Variants in FOXI2 observed in about 807,000 individuals in gnomAD.
The protein encoded by FOXI2 is forkhead box I2.
FOXI2 carries 17 observed loss-of-function variants against 14.3 expected under a neutral mutation model. The observed-to-expected ratio is 1.19, with a 90% CI of 0.81 to 1.78. FOXI2 has a LOEUF of 1.78. Ranked by LOEUF, FOXI2 falls within the 40% of genes most tolerant of loss-of-function variation. FOXI2 has a pLI of 0.00. For synonymous variants in FOXI2, 240 were observed against 218.8 expected, an observed-to-expected ratio of 1.10 and a Z score of -0.85; for missense variants, 541 against 460.0, an observed-to-expected ratio of 1.18 and a Z score of -1.61.
chr10:127,737,511 G>C lies in FOXI2; in HGVS notation c.238G>C (p.Gly80Arg). The change falls in exon 1 of 2, where the codon GGC becomes CGC. Residue 80 changes from glycine to arginine, a missense_variant. By Grantham distance (125) the Gly-to-Arg change is moderately radical. Coordinates refer to ENST00000388920, the MANE Select transcript of FOXI2 (RefSeq NM_207426.3). ...APGPLLGAPG[G>R]LAGADLAWLS... ...CGGCCCGCTCCTCGGCGCCCCGGGC[G>C]GCCTGGCGGGCGCCGACCTCGCCTG... is the stretch of plus-strand genomic sequence containing the variant. 1 of 1,410,454 alleles carries C rather than the reference G, an allele frequency of 7.1e-7. No individual in the cohort carries two copies. Among genetic ancestry groups the C allele is most frequent in the Non-Finnish European group, 9.2e-7 (1 of 1,092,138 alleles). The allele number at this position is 1,410,454 out of a possible 1,614,324, so 87.4% of individuals were successfully genotyped here. A position where few individuals can be genotyped will look rare whatever the true frequency, so the allele number is the denominator to read the frequency against.
Position 127,738,945 on chromosome 10 carries a change from C to A in FOXI2, c.937C>A (p.Arg313=). 1 of 1,600,770 alleles carries A rather than the reference C, an allele frequency of 6.2e-7. No individual in the cohort carries two copies. The highest frequency in any genetic ancestry group is 8.5e-7 in the Non-Finnish European group (1 of 1,179,506). Residue 313 remains arginine (R), a synonymous_variant, in exon 2 of 2, where the codon CGG becomes AGG. Coordinates refer to ENST00000388920, the MANE Select transcript of FOXI2 (RefSeq NM_207426.3). ...GFRLSHLLYS[R]EGTEV The stretch of plus-strand genomic sequence containing the variant: ...CCGCCTCAGTCACCTCCTCTACAGC[C>A]GGGAAGGGACCGAAGTTTGAAGGGA...
intron 1 of FOXI2, 122 bp downstream of exon 1, chr10:127,737,906 C>A (rs377507648): frequency 7.0e-7 from 1 of 1,436,162 alleles, no homozygotes; most frequent in Non-Finnish European, 9.3e-7. Flanking sequence ...TGGGGATACC[C>A]GGGGAGGAGG....
rs926580309 is a variant in FOXI2 at position 127,737,410 on chromosome 10, C to T, written c.137C>T (p.Pro46Leu). The change falls in exon 1 of 2, where the codon CCA (proline) becomes CTA (leucine). Residue 46 changes from proline to leucine, a missense_variant. Coordinates refer to ENST00000388920, the MANE Select transcript of FOXI2 (RefSeq NM_207426.3). ...GGGPLLWVNAPALSPKSYASG... is the reference protein window; with the variant it reads ...GGGPLLWVNALALSPKSYASG... ...GGCCCCCTCCTGTGGGTGAACGCGC[C>T]AGCGCTCAGCCCCAAGTCCTACGCT... 1 of 1,384,060 alleles carries T rather than the reference C, an allele frequency of 7.2e-7. No homozygotes were observed. Among genetic ancestry groups the T allele is most frequent in the Non-Finnish European group, 9.2e-7 (1 of 1,082,580 alleles). The allele number at this position is 1,384,060 out of a possible 1,614,324, so 85.7% of individuals were successfully genotyped here. A position where few individuals can be genotyped will look rare whatever the true frequency, so the allele number is the denominator to read the frequency against.
At position 127,739,923 on chromosome 10, in the gene FOXI2, ACACT is replaced by A. The variant is rs1367807339; in HGVS notation, c.*962_*965del. 11 of 51,180 alleles carry A rather than the reference ACACT, an allele frequency of 2.1e-4. 2 individuals carry two copies. The highest frequency in any genetic ancestry group is 6.1e-4 in the African/African-American group (9 of 14,700). 3.2% of individuals were successfully genotyped at this position (51,180 alleles called of 1,614,324 possible). A position where few individuals can be genotyped will look rare whatever the true frequency, so the allele number is the denominator to read the frequency against. On this transcript the variant is annotated 3_prime_UTR_variant, in exon 2 of 2. Coordinates refer to ENST00000388920, the MANE Select transcript of FOXI2 (RefSeq NM_207426.3). The stretch of plus-strand genomic sequence containing the variant: ...CTCACACACACTCACACCCACACCC[ACACT>A]CACACCCACACACACTCACACCCAC...
At position 127,737,478 on chromosome 10, in the gene FOXI2, G is replaced by C; in HGVS notation, c.205G>C (p.Gly69Arg). ...GCCGCCCTACGCGGCCCCGAGCTAC[G>C]GGGCTCCCGGCCCGCTCCTCGGCGC... ...PAPPYAAPSY[G>R]APGPLLGAPG... Residue 69 changes from glycine (G) to arginine (R), a missense_variant, in exon 1 of 2, where the codon GGG (glycine) becomes CGG (arginine). By Grantham distance (125) the Gly-to-Arg change is moderately radical. Coordinates refer to ENST00000388920, the MANE Select transcript of FOXI2 (RefSeq NM_207426.3). 5.8e-6 allele frequency: 8 copies of C among 1,385,486 alleles called. No individual in the cohort carries two copies. The highest frequency in any genetic ancestry group is 2.6e-4 in the Middle Eastern group (1 of 3,798). The allele number at this position is 1,385,486 out of a possible 1,614,324, so 85.8% of individuals were successfully genotyped here. A position where few individuals can be genotyped will look rare whatever the true frequency, so the allele number is the denominator to read the frequency against.
Position 127,740,031 on chromosome 10 carries a change from C to G in FOXI2, c.*1066C>G, listed in dbSNP as rs201332753. On this transcript the variant is annotated 3_prime_UTR_variant, in exon 2 of 2. Coordinates refer to ENST00000388920, the MANE Select transcript of FOXI2 (RefSeq NM_207426.3). ...TCACACTGACACCCACACTCACACCCACACTCACACTGACACCCACACTCA... is the reference window on the plus strand; with the variant it reads ...TCACACTGACACCCACACTCACACCGACACTCACACTGACACCCACACTCA... The G allele has an allele frequency of 2.1e-5, 3 of 139,990 alleles. No homozygotes were observed. Among genetic ancestry groups the G allele is most frequent in the Admixed American group, 7.1e-5 (1 of 14,174 alleles). 8.7% of individuals were successfully genotyped at this position (139,990 alleles called of 1,614,324 possible).
In FOXI2 at chr10:127,737,429, C is replaced by G. The variant is rs983946313; in HGVS notation, c.156C>G (p.Ser52=). Residue 52 remains serine (S), a synonymous_variant, in exon 1 of 2, where the codon TCC becomes TCG. Coordinates refer to ENST00000388920, the MANE Select transcript of FOXI2 (RefSeq NM_207426.3). ...WVNAPALSPK[S]YASGPGPAPP... is the part of the protein sequence containing the mutation. ...ACGCGCCAGCGCTCAGCCCCAAGTC[C>G]TACGCTTCGGGTCCCGGGCCTGCGC... 1.5e-6 allele frequency: 2 copies of G among 1,368,354 alleles called. No individual in the cohort carries two copies. Among genetic ancestry groups the G allele is most frequent in the Admixed American group, 4.1e-5 (1 of 24,540 alleles). 84.8% of individuals were successfully genotyped at this position (1,368,354 alleles called of 1,614,324 possible). A position where few individuals can be genotyped will look rare whatever the true frequency, so the allele number is the denominator to read the frequency against.
chr10:127,739,172 A>T lies in FOXI2; in HGVS notation c.*207A>T. The T allele has an allele frequency of 3.7e-6, 2 of 538,216 alleles. No homozygotes were observed. Among genetic ancestry groups the T allele is most frequent in the Non-Finnish European group, 6.5e-6 (2 of 309,626 alleles). 33.3% of individuals were successfully genotyped at this position (538,216 alleles called of 1,614,324 possible). A position where few individuals can be genotyped will look rare whatever the true frequency, so the allele number is the denominator to read the frequency against. On this transcript the variant is annotated 3_prime_UTR_variant, in exon 2 of 2. Transcript: ENST00000388920. ...GTGGCCCTTCTGCTGTGCACCCCTC[A>T]CCCAGGCGACCTTCGGAACCTCCCT...
Position 127,738,738 on chromosome 10 carries a change from T to C in FOXI2, c.730T>C (p.Cys244Arg), listed in dbSNP as rs371825563. 2.2e-5 allele frequency: 36 copies of C among 1,601,508 alleles called. No individual in the cohort carries two copies. The highest frequency in any genetic ancestry group is 3.0e-5 in the Non-Finnish European group (35 of 1,174,878). Reference protein sequence around the residue: ...PSPSAPEAATCFSGFASAMSA... With the variant: ...PSPSAPEAATRFSGFASAMSA... Reference sequence around the variant, plus strand: ...TCCATCCGCACCCGAGGCCGCCACCTGCTTCTCCGGTTTCGCTTCTGCTAT... The same window carrying C: ...TCCATCCGCACCCGAGGCCGCCACCCGCTTCTCCGGTTTCGCTTCTGCTAT... The change falls in exon 2 of 2, where the codon TGC becomes CGC. Residue 244 changes from cysteine (C) to arginine (R), a missense_variant. Coordinates refer to ENST00000388920, the MANE Select transcript of FOXI2 (RefSeq NM_207426.3).
At chr10:127,737,945 A>G (rs1846440069) in intron 1 of FOXI2, among the ~76,000 whole-genome samples, 161 bp downstream of exon 1, 1 of 152,110 alleles carries the variant, frequency 6.6e-6, no homozygotes, top group South Asian at 2.1e-4. Flanking sequence ...TTGGGCATGG[A>G]CAGGTTCTCA....
At position 127,738,714 on chromosome 10, in the gene FOXI2, C is replaced by G. The variant is rs374127634; in HGVS notation, c.706C>G (p.Pro236Ala). 1.4e-5 allele frequency: 23 copies of G among 1,597,974 alleles called. No homozygotes were observed. The highest frequency in any genetic ancestry group is 2.0e-5 in the Non-Finnish European group (23 of 1,172,860). ...ACLDLQASPS[P>A]SAPEAATCFS... is the part of the protein sequence containing the mutation. ...CCTGGACCTGCAGGCCTCGCCCTCT[C>G]CATCCGCACCCGAGGCCGCCACCTG... Residue 236 changes from proline to alanine, a missense_variant, in exon 2 of 2, where the codon CCA becomes GCA. Pro to Ala is a conservative substitution (Grantham distance 27). Coordinates refer to ENST00000388920, the MANE Select transcript of FOXI2 (RefSeq NM_207426.3).
In FOXI2 at chr10:127,740,824, A is replaced by G. The variant is rs921286791; in HGVS notation, c.*1859A>G. ...GTGTGTGTGTGCGTGTGTGCGTAAG[A>G]CAGAGAGGGAGGGAGAAGGAAGGAG... is the stretch of plus-strand genomic sequence containing the variant. On this transcript the variant is annotated 3_prime_UTR_variant, in exon 2 of 2. Transcript: ENST00000388920. 1.3e-5 allele frequency: 2 copies of G among 152,286 alleles called. No individual in the cohort carries two copies. Among genetic ancestry groups the G allele is most frequent in the Non-Finnish European group, 2.9e-5 (2 of 68,246 alleles). The allele number at this position is 152,286 out of a possible 1,614,324, so 9.4% of individuals were successfully genotyped here.
At chr10:127,738,204 G>C (rs1053710705) in intron 1 of FOXI2, among the ~76,000 whole-genome samples, 36 of 152,302 alleles carry the variant, frequency 2.4e-4, no homozygotes, top group Admixed American at 4.6e-4. Context: ...GGGGCCTGGC[G>C]TGGTCTGCGC....
Position 127,739,729 on chromosome 10 carries a change from T to G in FOXI2, c.*764T>G, listed in dbSNP as rs1245339730. 1.3e-5 allele frequency: 2 copies of G among 151,516 alleles called. No individual in the cohort carries two copies. The highest frequency in any genetic ancestry group is 4.9e-5 in the African/African-American group (2 of 41,108). The allele number at this position is 151,516 out of a possible 1,614,324, so 9.4% of individuals were successfully genotyped here. The stretch of plus-strand genomic sequence containing the variant: ...CCGCCACCACTGACCACAGGAGCGG[T>G]GCCCAGCACCCAGGAGTTCCCCAAG... On this transcript the variant is annotated 3_prime_UTR_variant, in exon 2 of 2. Transcript: ENST00000388920.
At chr10:127,738,249 T>C (rs1054795499) in intron 1 of FOXI2, among the ~76,000 whole-genome samples, 2 of 151,964 alleles carry the variant, frequency 1.3e-5, no homozygotes, top group African/African-American at 4.8e-5. Context: ...AGTCCCACCA[T>C]TAGCATCTCG....
At position 127,737,297 on chromosome 10, in the gene FOXI2, G is replaced by GGGCCCCTCCTC; in HGVS notation, c.31_41dup (p.Gly16ArgfsTer32). 1 of 1,468,450 alleles carries GGGCCCCTCCTC rather than the reference G, an allele frequency of 6.8e-7. No homozygotes were observed. Among genetic ancestry groups the GGGCCCCTCCTC allele is most frequent in the Non-Finnish European group, 8.9e-7 (1 of 1,120,922 alleles). The allele number at this position is 1,468,450 out of a possible 1,614,324, so 91.0% of individuals were successfully genotyped here. On this transcript the variant is annotated frameshift_variant, in exon 1 of 2. Transcript: ENST00000388920. LOFTEE classifies it high-confidence loss of function. ...ACATGGCCACCTACTGCGACGACCT[G>GGGCCCCTCCTC]GGCCCCTCCTCGGCCCCGCCCGGCC...
chr10:127,739,020 C>G lies in FOXI2; in HGVS notation c.*55C>G. ...TCCAGAGGTGCTGAGCTCAGGCCTC[C>G]GGTTTCCCCTGGTGACAGCCCCACG... On this transcript the variant is annotated 3_prime_UTR_variant, in exon 2 of 2. Coordinates refer to ENST00000388920, the MANE Select transcript of FOXI2 (RefSeq NM_207426.3). The G allele has an allele frequency of 6.8e-7, 1 of 1,466,692 alleles. No homozygotes were observed. Among genetic ancestry groups the G allele is most frequent in the Non-Finnish European group, 9.2e-7 (1 of 1,084,812 alleles). 90.9% of individuals were successfully genotyped at this position (1,466,692 alleles called of 1,614,324 possible).
In FOXI2 at chr10:127,739,943, TCACACCCACA is replaced by T. The variant is rs1564749258; in HGVS notation, c.*990_*999del. ...CACCCACACTCACACCCACACACAC[TCACACCCACA>T]CACACCCACACTCATACTCACACTC... On this transcript the variant is annotated 3_prime_UTR_variant, in exon 2 of 2. Coordinates refer to ENST00000388920, the MANE Select transcript of FOXI2 (RefSeq NM_207426.3). The T allele has an allele frequency of 1.7e-4, 4 of 23,000 alleles. No homozygotes were observed. Among genetic ancestry groups the T allele is most frequent in the Admixed American group, 5.6e-4 (1 of 1,800 alleles). 1.4% of individuals were successfully genotyped at this position (23,000 alleles called of 1,614,324 possible). A position where few individuals can be genotyped will look rare whatever the true frequency, so the allele number is the denominator to read the frequency against.
rs1564748245 is a variant in FOXI2 at position 127,737,770 on chromosome 10, A to T, written c.497A>T (p.Asp166Val). ...GACTGCTTCAAGAAGGTGCCCCGCG[A>T]CGAGGACGACCCAGGTAACAGCGGC... is the stretch of plus-strand genomic sequence containing the variant. ...LNDCFKKVPR[D>V]EDDPGKGNYW... Residue 166 changes from aspartate (D) to valine (V), a missense_variant, in exon 1 of 2, where the codon GAC becomes GTC. Coordinates refer to ENST00000388920, the MANE Select transcript of FOXI2 (RefSeq NM_207426.3). The T allele has an allele frequency of 6.2e-7, 1 of 1,611,350 alleles. No homozygotes were observed. Among genetic ancestry groups the T allele is most frequent in the Non-Finnish European group, 8.5e-7 (1 of 1,178,774 alleles).
Sources: allele counts gnomAD v4.1 joint callset (sites outside exome capture counted in the v4.1 genomes callset), GRCh38; gene constraint gnomAD v4.1.1; transcripts MANE v1.5; gene names NCBI Gene and HGNC (gene_info 2026-07-23, HGNC 2026-07-21).